The following STAG2 variants were observed in gnomAD, a reference collection of about 807,000 sequenced individuals.
STAG2 encodes cohesin subunit SA-2.
Under a neutral mutation model 108.1 loss-of-function variants are expected in STAG2, and 14 were observed. The observed-to-expected ratio is 0.13, with a 90% CI of 0.09 to 0.20. The LOEUF is 0.20. STAG2 is among the 10% of genes least tolerant of loss of function. The pLI is 1.00. For synonymous variants in STAG2, 307 were observed against 302.7 expected (o/e 1.01, Z -0.15); for missense variants, 440 against 940.9 (o/e 0.47, Z 6.96).
intron 4 of STAG2, among the ~76,000 whole-genome samples, chrX:124,030,608 C>T (rs2057302376): frequency 9.0e-6 from 1 of 111,729 alleles, no homozygotes; most frequent in Admixed American, 9.6e-5. Flanking sequence ...ATGGGGTAGG[C>T]ACAGTTTTAT....
chrX:124,050,063 C>A, intron 10 of STAG2, 123 bp from the exon 11 acceptor site: 1 of 816,536 alleles, frequency 1.2e-6, no homozygotes, highest in Non-Finnish European at 1.7e-6. Flanking sequence ...ATTTTTTAAT[C>A]CCTAGTAATA....
At chrX:124,064,736 TC>T (rs1281605445) in intron 20 of STAG2, among the ~76,000 whole-genome samples, 1 of 111,299 alleles carries the variant, frequency 9.0e-6, no homozygotes, top group African/African-American at 3.3e-5. Flanking sequence ...GAGCCACACA[TC>T]CAGTCTGGGT....
intron 1 of STAG2, among the ~76,000 whole-genome samples, chrX:123,974,489 A>G (rs2147581269): frequency 9.2e-6 from 1 of 108,792 alleles, no homozygotes; most frequent in East Asian, 2.9e-4. Flanking sequence ...GGCCTCCCAA[A>G]GTGCTGGGAT....
chrX:124,050,084 A>G, intron 10 of STAG2, 102 bp from the exon 11 acceptor site: 1 of 928,856 alleles, frequency 1.1e-6, no homozygotes, highest in Non-Finnish European at 1.5e-6. Context: ...AGATAATGTC[A>G]TATTCATAGT....
intron 8 of STAG2, 59 bp from the exon 9 acceptor site, chrX:124,047,295 A>G (rs201011614): frequency 1.4e-5 from 14 of 1,021,436 alleles, no homozygotes; most frequent in Non-Finnish European, 1.8e-5. Context: ...TTGATCTTAA[A>G]TTGTAAATTT....
intron 1 of STAG2, among the ~76,000 whole-genome samples, chrX:123,964,868 G>A (rs960571714): frequency 9.1e-6 from 1 of 109,725 alleles, no homozygotes; most frequent in Non-Finnish European, 1.9e-5. Flanking sequence ...ACCATTACCC[G>A]TAAACAGTAA....
chrX:124,001,788 A>G (rs1349299329), intron 1 of STAG2, among the ~76,000 whole-genome samples: 1 of 111,859 alleles, frequency 8.9e-6, no homozygotes, highest in Non-Finnish European at 1.9e-5. Context: ...ACTCTGTGAT[A>G]TTTGCACAAC....
At chrX:124,014,359 T>A (rs1043794846) in intron 1 of STAG2, among the ~76,000 whole-genome samples, 2 of 111,075 alleles carry the variant, frequency 1.8e-5, no homozygotes, top group African/African-American at 6.6e-5. Flanking sequence ...TATATATGTA[T>A]GTATAAAATT....
chrX:124,045,425 C>G, intron 8 of STAG2, 57 bp downstream of exon 8: 1 of 1,015,075 alleles, frequency 9.9e-7, no homozygotes, highest in East Asian at 3.1e-5. Context: ...GAAAAAGATT[C>G]TCATTTAAAG....
At chrX:124,009,392 C>CAGGTAGGTAGGTAGGTAGGT (rs748240892) in intron 1 of STAG2, among the ~76,000 whole-genome samples, 69 of 90,535 alleles carry the variant, frequency 7.6e-4, no homozygotes, top group African/African-American at 2.6e-3. Context: ...GTAATCTAAC[C>CAGGTAGGTAGGTAGGTAGGT]AGGTAGGTAG....
chrX:124,054,282 T>C (rs1175505367), intron 13 of STAG2, among the ~76,000 whole-genome samples: 1 of 112,106 alleles, frequency 8.9e-6, no homozygotes, highest in Non-Finnish European at 1.9e-5. Context: ...TTTATATGGA[T>C]AATTTCATTT....
rs1446948288 is a variant in STAG2 at position 123,995,522 on chromosome X, G to A, written c.-162-25845G>A. Among the ~76,000 whole-genome samples, 4 of 110,437 alleles carry A rather than the reference G, an allele frequency of 3.6e-5. No homozygotes were observed. The Admixed American group carries it at 3.9e-4, about 11-fold the overall frequency. Reference sequence around the variant, plus strand: ...ATCCTGGCTAACATGGTGAAACCCCGCCTCTACTAAAAATACAAAAAATTA... The same window carrying A: ...ATCCTGGCTAACATGGTGAAACCCCACCTCTACTAAAAATACAAAAAATTA... On this transcript the variant is annotated intron_variant, in intron 1 of 34. Transcript: ENST00000371145.
In STAG2 at chrX:124,048,952, T is replaced by A. The variant is rs1416373624; in HGVS notation, c.820-53T>A. 42 of 1,023,008 alleles carry A rather than the reference T, an allele frequency of 4.1e-5. No individual in the cohort carries two copies. In the South Asian group the frequency reaches 8.1e-4, roughly 20 times the overall value. 84.3% of individuals were successfully genotyped at this position (1,023,008 alleles called of 1,213,427 possible). A position where few individuals can be genotyped will look rare whatever the true frequency, so the allele number is the denominator to read the frequency against. On this transcript the variant is annotated intron_variant, in intron 9 of 34. Transcript: ENST00000371145. The stretch of plus-strand genomic sequence containing the variant: ...TGTGCTTGTAACAACTTACAGGTGT[T>A]CATTTGGTTGTCTTCCTTTACAATT...
intron 11 of STAG2, among the ~76,000 whole-genome samples, chrX:124,050,747 A>G (rs1157521131): frequency 8.9e-6 from 1 of 111,863 alleles, no homozygotes; most frequent in Non-Finnish European, 1.9e-5. Context: ...TTAAACTACC[A>G]TTCTCTTAGG....
At chrX:124,071,080 T>G in intron 24 of STAG2, 69 bp from the exon 25 acceptor site, 1 of 838,638 alleles carries the variant, frequency 1.2e-6, no homozygotes, top group Non-Finnish European at 1.6e-6. Flanking sequence ...AATATGTAAA[T>G]TATTTGTGGC....
chrX:124,081,007 A>G (rs1373338993), intron 27 of STAG2, among the ~76,000 whole-genome samples: 2 of 112,229 alleles, frequency 1.8e-5, no homozygotes, highest in African/African-American at 3.2e-5. Context: ...AGCTTTTGCT[A>G]TTTCATGTTA....
chrX:124,051,448 T>C (rs1603032894), intron 13 of STAG2, 54 bp downstream of exon 13: 2 of 963,537 alleles, frequency 2.1e-6, no homozygotes, highest in East Asian at 3.2e-5. Flanking sequence ...CTAAATAATA[T>C]ATTAGAGTAT....
chrX:124,009,313 G>A (rs1231784316), intron 1 of STAG2, among the ~76,000 whole-genome samples: 1 of 109,669 alleles, frequency 9.1e-6, no homozygotes, highest in Non-Finnish European at 1.9e-5. Flanking sequence ...TGGATGGCAT[G>A]CTAAAGTATA....
chrX:123,977,463 G>A (rs139279346), intron 1 of STAG2, among the ~76,000 whole-genome samples: 2,645 of 109,902 alleles, frequency 0.024, 70 homozygotes, highest in African/African-American at 0.082. Context: ...CCCCCCCTCC[G>A]GTATCTTTAC....
Sources: allele counts gnomAD v4.1 joint callset (sites outside exome capture counted in the v4.1 genomes callset), GRCh38; gene constraint gnomAD v4.1.1; transcripts MANE v1.5; gene names NCBI Gene and HGNC (gene_info 2026-07-23, HGNC 2026-07-21).